The following TMEM132D variants were observed in gnomAD, a reference collection of about 807,000 sequenced individuals.
TMEM132D encodes the protein transmembrane protein 132D.
A neutral mutation model predicts 62.3 loss-of-function variants in TMEM132D; 21 were observed. The observed-to-expected ratio is 0.34, with a 90% CI of 0.24 to 0.49. The LOEUF (loss-of-function observed/expected upper bound fraction) is 0.49. Ranked by LOEUF, TMEM132D falls within the 20% of genes least tolerant of loss-of-function variation. TMEM132D has a pLI of 0.99. For synonymous variants in TMEM132D, 621 were observed against 575.6 expected (o/e 1.08, Z -1.13); for missense variants, 1,346 against 1,402.8 (o/e 0.96, Z 0.65).
At chr12:129,719,096 A>AAG (rs1868710768) in intron 1 of TMEM132D, among the ~76,000 whole-genome samples, 2 of 144,498 alleles carry the variant, frequency 1.4e-5, no homozygotes, top group African/African-American at 2.5e-5. Context: ...AAAAAAAAAA[A>AAG]AAAGAAAAAA....
chr12:129,654,821 C>G (rs1171438052), intron 2 of TMEM132D, among the ~76,000 whole-genome samples: 1 of 152,176 alleles, frequency 6.6e-6, no homozygotes, highest in Non-Finnish European at 1.5e-5. Flanking sequence ...GTATATCTGA[C>G]AGAAAGGAAA....
chr12:129,179,240 T>C (rs1877995270), intron 5 of TMEM132D, among the ~76,000 whole-genome samples: 1 of 152,220 alleles, frequency 6.6e-6, no homozygotes, highest in African/African-American at 2.4e-5. Context: ...TGATTATCTA[T>C]TGTATTGCTC....
At chr12:129,381,714 T>TTTC (rs1870959946) in intron 3 of TMEM132D, among the ~76,000 whole-genome samples, 5 of 101,322 alleles carry the variant, frequency 4.9e-5, no homozygotes, top group Admixed American at 2.8e-4. Context: ...CTCTTTCTTT[T>TTTC]TTTCTGAGGT....
At chr12:129,875,258 T>C (rs189118900) in intron 1 of TMEM132D, among the ~76,000 whole-genome samples, 4 of 152,308 alleles carry the variant, frequency 2.6e-5, no homozygotes, top group African/African-American at 9.6e-5. Context: ...ATTCACCCTG[T>C]AGGGCTTTCA....
At chr12:129,869,488 C>G (rs903052753) in intron 1 of TMEM132D, among the ~76,000 whole-genome samples, 4 of 152,108 alleles carry the variant, frequency 2.6e-5, no homozygotes, top group Non-Finnish European at 5.9e-5. Flanking sequence ...AATGTAAATG[C>G]TATTTAAGTG....
intron 2 of TMEM132D, among the ~76,000 whole-genome samples, chr12:129,554,540 T>C (rs1876998183): frequency 6.6e-6 from 1 of 152,186 alleles, no homozygotes; most frequent in African/African-American, 2.4e-5. Context: ...CAGTACTTTA[T>C]GTTCATGAAC....
chr12:129,460,836 C>T (rs1345397202), intron 3 of TMEM132D, among the ~76,000 whole-genome samples: 1 of 151,714 alleles, frequency 6.6e-6, no homozygotes, highest in African/African-American at 2.4e-5. Flanking sequence ...TTTTTTTTCC[C>T]ACTGGGGCAC....
chr12:129,573,587 T>A (rs1877578407), intron 2 of TMEM132D, among the ~76,000 whole-genome samples: 1 of 152,194 alleles, frequency 6.6e-6, no homozygotes, highest in Non-Finnish European at 1.5e-5. Flanking sequence ...GTTTTTAAAA[T>A]ACAATTGTGG....
chr12:129,225,296 A>G (rs1879452316), intron 4 of TMEM132D, among the ~76,000 whole-genome samples: 1 of 152,204 alleles, frequency 6.6e-6, no homozygotes, highest in Admixed American at 6.5e-5. Flanking sequence ...AGAACTCCTC[A>G]ACCAGCCTGG....
At chr12:129,719,083 G>GAAAAAAAAAAAAA (rs59987335) in intron 1 of TMEM132D, among the ~76,000 whole-genome samples, 1 of 99,164 alleles carries the variant, frequency 1.0e-5, no homozygotes, top group African/African-American at 3.6e-5. Context: ...CAAAAAAAAT[G>GAAAAAAAAAAAAA]AAAAAAAAAA....
intron 2 of TMEM132D, among the ~76,000 whole-genome samples, chr12:129,654,295 T>A (rs201366493): frequency 1.2e-4 from 4 of 33,436 alleles, no homozygotes; most frequent in South Asian, 3.0e-3. Context: ...TGTGTGTGTG[T>A]GAGTGTGTGT....
chr12:129,880,021 A>G lies in TMEM132D; in HGVS notation c.79+23240T>C, dbSNP rs1020945167. Among the ~76,000 whole-genome samples, 3 of 152,154 alleles carry G rather than the reference A, an allele frequency of 2.0e-5. No homozygotes were observed. The East Asian group carries it at 5.8e-4, about 29-fold the overall frequency. On this transcript the variant is annotated intron_variant, in intron 1 of 8. Coordinates refer to ENST00000422113, the MANE Select transcript of TMEM132D (RefSeq NM_133448.3). ...TTCAAACCACAGACCCCAGAACCTC[A>G]GAGAATCCCAAGCAGGATAAATAAA...
chr12:129,886,811 AC>A (rs1390567883), intron 1 of TMEM132D, among the ~76,000 whole-genome samples: 2 of 152,176 alleles, frequency 1.3e-5, no homozygotes, highest in South Asian at 4.2e-4. Flanking sequence ...GAGGGTGGTT[AC>A]CCCCATGCTG....
chr12:129,332,607 T>G (rs1157071314), intron 4 of TMEM132D, among the ~76,000 whole-genome samples: 1 of 152,188 alleles, frequency 6.6e-6, no homozygotes, highest in African/African-American at 2.4e-5. Context: ...GTGTGAATAT[T>G]TTAATATTTG....
chr12:129,108,435 C>G (rs911990541), intron 5 of TMEM132D, among the ~76,000 whole-genome samples: 2 of 152,182 alleles, frequency 1.3e-5, no homozygotes, highest in Non-Finnish European at 2.9e-5. Flanking sequence ...ACTCAGATCT[C>G]AAAGTCCTGG....
chr12:129,288,036 T>C, intron 4 of TMEM132D, among the ~76,000 whole-genome samples: 1 of 152,248 alleles, frequency 6.6e-6, no homozygotes, highest in East Asian at 1.9e-4. Flanking sequence ...TGGTGTCCTC[T>C]GTGGTTCCAT....
In TMEM132D at chr12:129,074,902, G is replaced by A. The variant is rs201186278; in HGVS notation, c.2273C>T (p.Ala758Val). 22 of 1,613,808 alleles carry A rather than the reference G, an allele frequency of 1.4e-5. No homozygotes were observed. Among genetic ancestry groups the A allele is most frequent in the Middle Eastern group, 3.3e-4 (2 of 6,062 alleles). The change falls in exon 9 of 9, where the codon GCG (alanine) becomes GTG (valine). Residue 758 changes from alanine to valine, a missense_variant. Ala to Val is a moderately conservative substitution (Grantham distance 64). Transcript: ENST00000422113. ...DPKFKWPIIA[A>V]ETEGQGTLVK... is the part of the protein sequence containing the mutation. Reference sequence around the variant, plus strand: ...CAGGGTGCCTTGTCCTTCTGTTTCCGCAGCAATGATAGGCCACTTGAATTT... The same window carrying A: ...CAGGGTGCCTTGTCCTTCTGTTTCCACAGCAATGATAGGCCACTTGAATTT...
intron 5 of TMEM132D, among the ~76,000 whole-genome samples, chr12:129,149,573 T>A (rs374175293): frequency 6.6e-6 from 1 of 152,212 alleles, no homozygotes; most frequent in East Asian, 1.9e-4. Context: ...GTCTCCAGTG[T>A]GTGCGGCACC....
At chr12:129,342,361 T>C (rs1331409167) in intron 3 of TMEM132D, among the ~76,000 whole-genome samples, 3 of 152,082 alleles carry the variant, frequency 2.0e-5, no homozygotes, top group Non-Finnish European at 4.4e-5. Flanking sequence ...CTGGGAAAAC[T>C]GGCTAGCCAT....
Sources: gnomAD v4.1 joint callset for allele counts (sites outside exome capture counted in the v4.1 genomes callset) on GRCh38, gnomAD v4.1.1 for gene constraint, MANE v1.5 for transcripts, NCBI Gene and HGNC (gene_info 2026-07-23, HGNC 2026-07-21) for gene names.